ARMH3: variants seen among roughly 807,000 people sequenced by gnomAD.
The protein encoded by ARMH3 is armadillo like helical domain containing 3.
ARMH3 carries 60 observed loss-of-function variants against 99.1 expected under a neutral mutation model. That is an observed-to-expected ratio of 0.61 (90% CI 0.49 to 0.75). The LOEUF (loss-of-function observed/expected upper bound fraction) is 0.75. Among genes scored for constraint, ARMH3 ranks in the 30% least tolerant of loss-of-function variants. The pLI, the probability that ARMH3 is intolerant of heterozygous loss-of-function variation, is 0.00. For synonymous variants in ARMH3, 285 were observed against 292.8 expected, an observed-to-expected ratio of 0.97 and a Z score of 0.27; for missense variants, 679 against 843.1, an observed-to-expected ratio of 0.81 and a Z score of 2.41.
intron 24 of ARMH3, among the ~76,000 whole-genome samples, chr10:101,877,400 G>A (rs1400223469): frequency 2.6e-5 from 4 of 152,238 alleles, no homozygotes; most frequent in Admixed American, 2.0e-4. Context: ...AGTGGCTAAC[G>A]CCTGTAATCC....
intron 24 of ARMH3, among the ~76,000 whole-genome samples, chr10:101,876,267 A>AC (rs976634498): frequency 4.0e-5 from 6 of 151,290 alleles, no homozygotes; most frequent in Non-Finnish European, 7.4e-5. Flanking sequence ...AAAAAAAAAA[A>AC]ACAACTTATT....
intron 2 of ARMH3, among the ~76,000 whole-genome samples, chr10:102,038,870 G>A (rs2067343123): frequency 6.6e-6 from 1 of 151,780 alleles, no homozygotes; most frequent in Admixed American, 6.6e-5. Context: ...CTCCCAAGTA[G>A]CTGGGACTAC....
chr10:101,947,180 C>A (rs1844571333), intron 22 of ARMH3, among the ~76,000 whole-genome samples: 1 of 151,556 alleles, frequency 6.6e-6, no homozygotes, highest in Admixed American at 6.6e-5. Context: ...GAGCGAGACT[C>A]TGTCTCAAAA....
chr10:101,986,574 A>G (rs1411262877), intron 19 of ARMH3, among the ~76,000 whole-genome samples: 2 of 152,192 alleles, frequency 1.3e-5, no homozygotes, highest in East Asian at 3.9e-4. Context: ...TCCAAACTCC[A>G]TATTTCTTCA....
At chr10:101,868,851 C>T (rs550633030) in intron 24 of ARMH3, among the ~76,000 whole-genome samples, 1 of 152,288 alleles carries the variant, frequency 6.6e-6, no homozygotes, top group South Asian at 2.1e-4. Flanking sequence ...GCAGGTGGAT[C>T]ACCTGAAGTC....
At chr10:102,038,011 G>T (rs151113649) in intron 2 of ARMH3, among the ~76,000 whole-genome samples, 2 of 151,764 alleles carry the variant, frequency 1.3e-5, no homozygotes, top group East Asian at 1.9e-4. Context: ...GGGAATTCAT[G>T]GAACTGGCAC....
In ARMH3 at chr10:101,945,512, G is replaced by A. The variant is rs1197441565; in HGVS notation, c.1706-5574C>T. On this transcript the variant is annotated intron_variant, in intron 22 of 25. Transcript: ENST00000370033. Reference sequence around the variant, plus strand: ...GCGGGTGGATCACCTAAGGTCAGGAGTTCGAGACCAGCCTGACCAACATGG... The same window carrying A: ...GCGGGTGGATCACCTAAGGTCAGGAATTCGAGACCAGCCTGACCAACATGG... 2.6e-5 allele frequency among the ~76,000 whole-genome samples: 4 copies of A among 152,104 alleles called. No homozygotes were observed. In the East Asian group the frequency reaches 7.7e-4, roughly 29 times the overall value.
At chr10:101,947,783 A>G (rs529153430) in intron 22 of ARMH3, among the ~76,000 whole-genome samples, 2 of 150,236 alleles carry the variant, frequency 1.3e-5, no homozygotes, top group East Asian at 3.9e-4. Flanking sequence ...CTGGGCAACA[A>G]GAGCGAAACT....
At chr10:101,877,546 G>A (rs2067299703) in intron 24 of ARMH3, among the ~76,000 whole-genome samples, 1 of 152,004 alleles carries the variant, frequency 6.6e-6, no homozygotes, top group Non-Finnish European at 1.5e-5. Context: ...TGTAATCCCA[G>A]CTATTCAGGT....
chr10:101,986,286 A>C (rs1163834695), intron 19 of ARMH3, among the ~76,000 whole-genome samples: 1 of 152,138 alleles, frequency 6.6e-6, no homozygotes. Context: ...TCGATGTAAG[A>C]GTAACTTAAA....
At chr10:101,930,444 T>C (rs1843676782) in intron 23 of ARMH3, among the ~76,000 whole-genome samples, 1 of 152,090 alleles carries the variant, frequency 6.6e-6, no homozygotes, top group Non-Finnish European at 1.5e-5. Flanking sequence ...TGCACCAACC[T>C]ATAAAACCAC....
intron 20 of ARMH3, among the ~76,000 whole-genome samples, chr10:101,960,178 CA>C (rs929275336): frequency 5.0e-4 from 70 of 140,682 alleles, no homozygotes; most frequent in Non-Finnish European, 5.0e-4. Context: ...ACTCCTTCTC[CA>C]AAAAAAAAAA....
intron 24 of ARMH3, among the ~76,000 whole-genome samples, chr10:101,865,867 G>C (rs761334853): frequency 1.3e-5 from 2 of 152,044 alleles, no homozygotes; most frequent in Admixed American, 6.6e-5. Context: ...AATGCCCTGT[G>C]ACGCTAATCA....
chr10:101,848,289 T>C (rs2066506831), intron 25 of ARMH3, among the ~76,000 whole-genome samples: 1 of 152,144 alleles, frequency 6.6e-6, no homozygotes, highest in Non-Finnish European at 1.5e-5. Context: ...CCTTGCTGTG[T>C]GCCCACTGCT....
chr10:101,929,823 C>T (rs1213322254), intron 23 of ARMH3, among the ~76,000 whole-genome samples: 1 of 152,086 alleles, frequency 6.6e-6, no homozygotes, highest in Admixed American at 6.6e-5. Flanking sequence ...GCAGATATTG[C>T]ATATGGACAT....
intron 23 of ARMH3, among the ~76,000 whole-genome samples, chr10:101,930,912 G>A (rs10748815): frequency 0.56 from 84,528 of 151,992 alleles, 23,686 homozygotes; most frequent in East Asian, 0.76. Flanking sequence ...TTGTCATTTA[G>A]TAATCTCAAT....
intron 14 of ARMH3, among the ~76,000 whole-genome samples, chr10:102,005,235 T>C (rs2066456300): frequency 6.6e-6 from 1 of 151,768 alleles, no homozygotes; most frequent in Non-Finnish European, 1.5e-5. Context: ...ATACAAAAAT[T>C]AGCCGGGCAT....
intron 22 of ARMH3, among the ~76,000 whole-genome samples, chr10:101,944,312 AGAGAGAGAGAGAG>A (rs1844413305): frequency 7.8e-6 from 1 of 128,130 alleles, no homozygotes; most frequent in African/African-American, 3.1e-5. Flanking sequence ...AGAGAGAGAG[AGAGAGAGAGAGAG>A]AGAGTCCAAA....
At chr10:102,012,339 A>C (rs1337976992) in intron 10 of ARMH3, among the ~76,000 whole-genome samples, 1 of 152,208 alleles carries the variant, frequency 6.6e-6, no homozygotes, top group African/African-American at 2.4e-5. Flanking sequence ...GCAAGCATCA[A>C]TGAAGGGAGC....
Sources: allele counts gnomAD v4.1 joint callset (sites outside exome capture counted in the v4.1 genomes callset), GRCh38; gene constraint gnomAD v4.1.1; transcripts MANE v1.5; gene names NCBI Gene and HGNC (gene_info 2026-07-23, HGNC 2026-07-21).